SLCO6A1: variants seen among roughly 807,000 people sequenced by gnomAD.
SLCO6A1 encodes cancer/testis antigen 48.
A neutral mutation model predicts 72.7 loss-of-function variants in SLCO6A1; 65 were observed. The observed-to-expected ratio is 0.89, with a 90% CI of 0.73 to 1.10. The LOEUF (loss-of-function observed/expected upper bound fraction) is 1.10. Among genes scored for constraint, SLCO6A1 ranks in the 50% least tolerant of loss-of-function variants. The pLI, the probability that SLCO6A1 is intolerant of heterozygous loss-of-function variation, is 0.00. For missense variants in SLCO6A1, 874 were observed against 872.6 expected (o/e 1.00, Z -0.02); for synonymous variants, 314 against 298.2 (o/e 1.05, Z -0.55).
intron 6 of SLCO6A1, among the ~76,000 whole-genome samples, chr5:102,452,723 GT>G (rs1179311559): frequency 6.6e-6 from 1 of 151,922 alleles, no homozygotes; most frequent in Non-Finnish European, 1.5e-5. Flanking sequence ...CTAGTTTTTT[GT>G]CTCACTTTAT....
At chr5:102,373,233 A>T in intron 13 of SLCO6A1, 104 bp downstream of exon 13, 1 of 689,086 alleles carries the variant, frequency 1.5e-6, no homozygotes, top group Non-Finnish European at 2.0e-6. Flanking sequence ...AAATATATAG[A>T]ATTATATGAA....
intron 8 of SLCO6A1, among the ~76,000 whole-genome samples, chr5:102,415,012 G>A (rs1017935913): frequency 5.3e-5 from 8 of 151,948 alleles, no homozygotes; most frequent in African/African-American, 1.9e-4. Context: ...AAACTAACAA[G>A]GTGAAAGATC....
At chr5:102,498,199 A>G (rs1040522740) in intron 1 of SLCO6A1, among the ~76,000 whole-genome samples, 3 of 152,188 alleles carry the variant, frequency 2.0e-5, no homozygotes, top group Non-Finnish European at 4.4e-5. Context: ...GAGCAATAAA[A>G]AAACTCTGGT....
chr5:102,431,329 T>C (rs890553151), intron 7 of SLCO6A1, among the ~76,000 whole-genome samples: 2 of 152,182 alleles, frequency 1.3e-5, no homozygotes, highest in Non-Finnish European at 2.9e-5. Flanking sequence ...GCTTCTCTAG[T>C]TCTTTTTGTT....
At chr5:102,380,186 C>T (rs1157207464) in intron 12 of SLCO6A1, among the ~76,000 whole-genome samples, 2 of 151,966 alleles carry the variant, frequency 1.3e-5, no homozygotes, top group South Asian at 4.1e-4. Context: ...TATATGTGCT[C>T]TTTCTTATAT....
At chr5:102,450,844 C>T (rs918046621) in intron 6 of SLCO6A1, among the ~76,000 whole-genome samples, 1 of 152,206 alleles carries the variant, frequency 6.6e-6, no homozygotes, top group Non-Finnish European at 1.5e-5. Context: ...CTGGTCTTTT[C>T]TTCACAGGGC....
chr5:102,481,178 T>G (rs1401009304), intron 1 of SLCO6A1, among the ~76,000 whole-genome samples: 1 of 152,194 alleles, frequency 6.6e-6, no homozygotes, highest in Non-Finnish European at 1.5e-5. Flanking sequence ...TACTGGTGCA[T>G]AGGCTGCTGC....
rs144619414 is a variant in SLCO6A1, at chr5:102,455,027, T to TATATATATATATATATATATACATAA, written c.1131+3354_1131+3355insTTATGTATATATATATATATATATAT. On this transcript the variant is annotated intron_variant, in intron 6 of 13. Transcript: ENST00000506729. ...ATATAAATATATATATATATATATATAAATTATGTTATAACAAAGATCTAT... is the reference window on the plus strand; with the variant it reads ...ATATAAATATATATATATATATATATATATATATATATATATATATACATAAAAATTATGTTATAACAAAGATCTAT... Among the ~76,000 whole-genome samples the TATATATATATATATATATATACATAA allele has an allele frequency of 5.2e-3, 732 of 141,654 alleles. 13 individuals are homozygous for TATATATATATATATATATATACATAA. Among genetic ancestry groups the TATATATATATATATATATATACATAA allele is most frequent in the African/African-American group, 0.016 (595 of 36,900 alleles). The allele number at this position is 141,654 out of a possible 152,430, so 92.9% of individuals were successfully genotyped here. A position where few individuals can be genotyped will look rare whatever the true frequency, so the allele number is the denominator to read the frequency against.
chr5:102,375,153 G>A (rs989535876), intron 12 of SLCO6A1, among the ~76,000 whole-genome samples: 6 of 152,142 alleles, frequency 3.9e-5, no homozygotes, highest in African/African-American at 1.4e-4. Context: ...AGACAGCAAA[G>A]CTTTCAAACA....
rs180708413 is a variant in SLCO6A1 at position 102,458,142 on chromosome 5, C to T, written c.1131+240G>A. The stretch of plus-strand genomic sequence containing the variant: ...GGGAGGGATAGCATTTGGAGATATA[C>T]CTAATGTTAAATAATGAGTTACTGG... On this transcript the variant is annotated intron_variant, in intron 6 of 13. Transcript: ENST00000506729. 9.2e-5 allele frequency among the ~76,000 whole-genome samples: 14 copies of T among 152,018 alleles called. No homozygotes were observed. The East Asian group carries it at 2.7e-3, about 29-fold the overall frequency.
intron 3 of SLCO6A1, among the ~76,000 whole-genome samples, chr5:102,476,195 A>G (rs1481598585): frequency 6.6e-6 from 1 of 152,116 alleles, no homozygotes; most frequent in African/African-American, 2.4e-5. Flanking sequence ...TGTTCCCCCC[A>G]ACACTACTGA....
At chr5:102,410,498 T>C (rs1747917767) in intron 9 of SLCO6A1, among the ~76,000 whole-genome samples, 1 of 152,166 alleles carries the variant, frequency 6.6e-6, no homozygotes, top group African/African-American at 2.4e-5. Flanking sequence ...AGAAAGAGAA[T>C]TTTCAAAGAA....
intron 6 of SLCO6A1, among the ~76,000 whole-genome samples, chr5:102,455,083 G>T (rs1750636817): frequency 6.8e-6 from 1 of 147,436 alleles, no homozygotes; most frequent in African/African-American, 2.6e-5. Flanking sequence ...AACTCATTTT[G>T]CCTGGGAATA....
chr5:102,438,425 G>A (rs534899609), intron 7 of SLCO6A1, 192 bp downstream of exon 7: 15 of 392,106 alleles, frequency 3.8e-5, no homozygotes, highest in South Asian at 2.7e-4. Context: ...GGAGGAACAC[G>A]GAAGTTTTTA....
rs1407396276 is a variant in SLCO6A1 at position 102,498,829 on chromosome 5, C to G, written c.16G>C (p.Ala6Pro). The G allele has an allele frequency of 6.2e-7, 1 of 1,609,902 alleles. No homozygotes were observed. ...TCATCCTGGCTCCCAGAGTGCCGGG[C>G]GACGCCTACGAACATGGCTCACCCT... is the stretch of plus-strand genomic sequence containing the variant. MFVGV[A>P]RHSGSQDEVS... The change falls in exon 1 of 14, where the codon GCC becomes CCC. Residue 6 changes from alanine (A) to proline (P), a missense_variant. Physicochemically the swap from Ala to Pro is conservative, Grantham distance 27. Transcript: ENST00000506729.
At chr5:102,473,541 T>C (rs1243815796) in intron 4 of SLCO6A1, among the ~76,000 whole-genome samples, 1 of 151,814 alleles carries the variant, frequency 6.6e-6, no homozygotes, top group African/African-American at 2.4e-5. Flanking sequence ...AACCAGCAAG[T>C]TTTCTAAGAT....
At chr5:102,463,817 T>G (rs1580474162) in intron 4 of SLCO6A1, among the ~76,000 whole-genome samples, 1 of 145,740 alleles carries the variant, frequency 6.9e-6, no homozygotes, top group South Asian at 2.1e-4. Flanking sequence ...ACCCAGGAGG[T>G]GGAGGTTGCA....
chr5:102,476,346 G>A (rs555301049), intron 3 of SLCO6A1, among the ~76,000 whole-genome samples: 4 of 152,288 alleles, frequency 2.6e-5, no homozygotes, highest in East Asian at 1.9e-4. Flanking sequence ...TGTAGGGCAG[G>A]CCAGCAGGCT....
At chr5:102,412,028 T>G (rs1359910967) in intron 9 of SLCO6A1, among the ~76,000 whole-genome samples, 1 of 152,096 alleles carries the variant, frequency 6.6e-6, no homozygotes, top group Non-Finnish European at 1.5e-5. Flanking sequence ...TCCACAATCT[T>G]TTTTCTTAAC....
Sources: allele counts gnomAD v4.1 joint callset (sites outside exome capture counted in the v4.1 genomes callset), GRCh38; gene constraint gnomAD v4.1.1; transcripts MANE v1.5; gene names NCBI Gene and HGNC (gene_info 2026-07-23, HGNC 2026-07-21).